The following DLG2 variants were observed in gnomAD, a reference collection of about 807,000 sequenced individuals.
The protein encoded by DLG2 is disks large homolog 2.
Under a neutral mutation model 132.5 loss-of-function variants are expected in DLG2, and 45 were observed. The ratio of observed to expected loss-of-function variants is 0.34; its 90% CI spans 0.27 to 0.44. The LOEUF is 0.44. Ranked by LOEUF, DLG2 falls within the 20% of genes least tolerant of loss-of-function variation. The pLI is 1.00. For missense variants in DLG2, 1,045 were observed against 1,196.9 expected (o/e 0.87, Z 1.87); for synonymous variants, 424 against 419.6 (o/e 1.01, Z -0.13).
At chr11:84,956,307 AAAG>A (rs1365607390) in intron 6 of DLG2, among the ~76,000 whole-genome samples, 1 of 152,210 alleles carries the variant, frequency 6.6e-6, no homozygotes, top group African/African-American at 2.4e-5. Context: ...AAAAGAAAGA[AAAG>A]AAGAAGGAAG....
At chr11:83,843,099 T>C (rs2057958400) in intron 16 of DLG2, among the ~76,000 whole-genome samples, 1 of 152,222 alleles carries the variant, frequency 6.6e-6, no homozygotes. Context: ...AACTTCTACA[T>C]AGGCATTCAA....
At chr11:84,482,281 G>T (rs1273271239) in intron 7 of DLG2, among the ~76,000 whole-genome samples, 2 of 152,072 alleles carry the variant, frequency 1.3e-5, no homozygotes, top group Non-Finnish European at 2.9e-5. Flanking sequence ...AGCAAACATT[G>T]GTTCTTTATT....
intron 7 of DLG2, among the ~76,000 whole-genome samples, chr11:84,509,645 A>G (rs549852848): frequency 3.3e-5 from 5 of 152,336 alleles, no homozygotes; most frequent in Admixed American, 6.5e-5. Context: ...TAAATTACAA[A>G]GAATTTGAAA....
chr11:84,398,747 G>C (rs1182400917), intron 7 of DLG2, among the ~76,000 whole-genome samples: 1 of 150,566 alleles, frequency 6.6e-6, no homozygotes, highest in Non-Finnish European at 1.5e-5. Flanking sequence ...TTGGTGATGG[G>C]TTTACACAAT....
At chr11:83,892,962 C>G (rs790342) in intron 15 of DLG2, among the ~76,000 whole-genome samples, 4 of 152,092 alleles carry the variant, frequency 2.6e-5, no homozygotes, top group Admixed American at 2.0e-4. Context: ...CCAGTTCATT[C>G]CCTCCCATGT....
At position 83,608,823 on chromosome 11, in the gene DLG2, A is replaced by G. The variant is rs79152546; in HGVS notation, c.1940+24388T>C. On this transcript the variant is annotated intron_variant, in intron 19 of 27. Coordinates refer to ENST00000376104, the MANE Select transcript of DLG2 (RefSeq NM_001142699.3). Reference sequence around the variant, plus strand: ...AGCTAAAAGCAGAGTTGATTATGCTATTTGTTGGGGCAGCAGGCTAATGAA... The same window carrying G: ...AGCTAAAAGCAGAGTTGATTATGCTGTTTGTTGGGGCAGCAGGCTAATGAA... Among the ~76,000 whole-genome samples, 277 of 152,254 alleles carry G rather than the reference A, an allele frequency of 1.8e-3. 1 individual carries two copies. The highest frequency in any genetic ancestry group is 5.8e-3 in the African/African-American group (241 of 41,572).
intron 8 of DLG2, among the ~76,000 whole-genome samples, chr11:84,235,281 G>T (rs1308436263): frequency 6.6e-6 from 1 of 152,182 alleles, no homozygotes; most frequent in Non-Finnish European, 1.5e-5. Context: ...ACTGTAGCCT[G>T]ACCATCTTGG....
At chr11:84,030,953 T>C (rs562534082) in intron 11 of DLG2, among the ~76,000 whole-genome samples, 1 of 152,160 alleles carries the variant, frequency 6.6e-6, no homozygotes, top group Admixed American at 6.5e-5. Flanking sequence ...GGACAAGAGA[T>C]AGTTAAATGT....
At chr11:85,459,352 G>C (rs751369735) in intron 3 of DLG2, among the ~76,000 whole-genome samples, 1 of 152,118 alleles carries the variant, frequency 6.6e-6, no homozygotes, top group Non-Finnish European at 1.5e-5. Context: ...AGGGATGAGC[G>C]ACCAGGCTTC....
chr11:84,262,781 G>A (rs1178886172), intron 7 of DLG2, among the ~76,000 whole-genome samples: 1 of 152,090 alleles, frequency 6.6e-6, no homozygotes, highest in Non-Finnish European at 1.5e-5. Context: ...TACAATGTTT[G>A]GTTTTCCGTT....
At chr11:85,599,335 C>A (rs1323190283) in intron 2 of DLG2, among the ~76,000 whole-genome samples, 2 of 151,296 alleles carry the variant, frequency 1.3e-5, no homozygotes, top group Non-Finnish European at 2.9e-5. Context: ...TGCTCTCTCC[C>A]CCACCTCTCT....
intron 17 of DLG2, among the ~76,000 whole-genome samples, chr11:83,807,665 T>G (rs910095293): frequency 6.6e-6 from 1 of 152,182 alleles, no homozygotes; most frequent in Non-Finnish European, 1.5e-5. Context: ...ACTTTCAAAC[T>G]GTTTGTGACC....
At chr11:85,458,733 C>A (rs2092503544) in intron 3 of DLG2, among the ~76,000 whole-genome samples, 1 of 152,200 alleles carries the variant, frequency 6.6e-6, no homozygotes, top group South Asian at 2.1e-4. Context: ...GTAGGTGGCA[C>A]TTACACATAG....
chr11:84,644,010 G>C (rs894903028), intron 6 of DLG2, among the ~76,000 whole-genome samples: 2 of 152,174 alleles, frequency 1.3e-5, no homozygotes, highest in Non-Finnish European at 2.9e-5. Context: ...ATCTTGCCCA[G>C]AGATACAGAG....
chr11:85,094,888 C>A (rs1394430758), intron 6 of DLG2, among the ~76,000 whole-genome samples: 1 of 152,160 alleles, frequency 6.6e-6, no homozygotes, highest in African/African-American at 2.4e-5. Flanking sequence ...GCCTTCCTCA[C>A]TAAGTTTAAT....
intron 3 of DLG2, among the ~76,000 whole-genome samples, chr11:85,482,093 C>T (rs1472246842): frequency 1.3e-5 from 2 of 152,028 alleles, no homozygotes; most frequent in African/African-American, 4.8e-5. Context: ...AGGCCAGCCC[C>T]TGTGGCCCCA....
intron 5 of DLG2, among the ~76,000 whole-genome samples, chr11:85,142,693 G>A (rs574626803): frequency 1.3e-5 from 2 of 151,856 alleles, no homozygotes; most frequent in East Asian, 3.9e-4. Flanking sequence ...GTACTGTGTA[G>A]GAGTCTAGCA....
In DLG2 at chr11:84,956,220, G is replaced by A. The variant is rs547219260; in HGVS notation, c.357+155441C>T. On this transcript the variant is annotated intron_variant, in intron 6 of 27. Transcript: ENST00000376104. ...GGCAATAACTCAAGCAAAGCAAAAA[G>A]CTGAACAATATTTCTAAAAATCAAC... 9.9e-5 allele frequency among the ~76,000 whole-genome samples: 15 copies of A among 152,260 alleles called. No individual in the cohort carries two copies. In the South Asian group the frequency reaches 3.1e-3, roughly 32 times the overall value.
intron 6 of DLG2, among the ~76,000 whole-genome samples, chr11:84,624,069 T>C (rs2099618234): frequency 6.6e-6 from 1 of 152,202 alleles, no homozygotes; most frequent in South Asian, 2.1e-4. Context: ...CTTTGAATAA[T>C]GTAGGATATG....
Sources: allele counts gnomAD v4.1 joint callset (sites outside exome capture counted in the v4.1 genomes callset), GRCh38; gene constraint gnomAD v4.1.1; transcripts MANE v1.5; gene names NCBI Gene and HGNC (gene_info 2026-07-23, HGNC 2026-07-21).